PCDH15: variants seen among roughly 807,000 people sequenced by gnomAD.
PCDH15 encodes the protein protocadherin related 15.
In PCDH15, 129 loss-of-function variants were observed where a neutral mutation model predicts 178.5. The ratio of observed to expected loss-of-function variants is 0.72; its 90% CI spans 0.63 to 0.84. PCDH15 has a LOEUF of 0.84. Among genes scored for constraint, PCDH15 ranks in the 40% least tolerant of loss-of-function variants. The pLI, the probability that PCDH15 is intolerant of heterozygous loss-of-function variation, is 0.00. For synonymous variants in PCDH15, 800 were observed against 732.0 expected (o/e 1.09, Z -1.50); for missense variants, 2,230 against 2,099.9 (o/e 1.06, Z -1.21).
intron 8 of PCDH15, among the ~76,000 whole-genome samples, chr10:54,259,220 A>G (rs1259439377): frequency 2.0e-5 from 3 of 152,214 alleles, no homozygotes; most frequent in Non-Finnish European, 4.4e-5. Flanking sequence ...ACAGCCTTGA[A>G]AAGAAAATTG....
chr10:54,731,916 T>C (rs1419804984), intron 1 of PCDH15, among the ~76,000 whole-genome samples: 1 of 151,088 alleles, frequency 6.6e-6, no homozygotes, highest in Non-Finnish European at 1.5e-5. Flanking sequence ...TTTGCAATGA[T>C]TGATAGTATA....
At chr10:55,228,458 T>C (rs549863285) in intron 1 of PCDH15, among the ~76,000 whole-genome samples, 1 of 152,046 alleles carries the variant, frequency 6.6e-6, no homozygotes, top group African/African-American at 2.4e-5. Flanking sequence ...TTTAAAAAAA[T>C]GTACATGTAT....
chr10:54,299,146 A>T (rs565280151), intron 8 of PCDH15, among the ~76,000 whole-genome samples: 1 of 152,252 alleles, frequency 6.6e-6, no homozygotes, highest in East Asian at 1.9e-4. Flanking sequence ...CAGAAAGGAA[A>T]GAGAGAAAGA....
intron 8 of PCDH15, among the ~76,000 whole-genome samples, chr10:54,250,318 A>C (rs2056369885): frequency 8.0e-6 from 1 of 124,786 alleles, no homozygotes; most frequent in South Asian, 2.5e-4. Context: ...TCTGTCAACC[A>C]GTTGCCCAGG....
At chr10:54,598,267 C>T (rs957671060) in intron 2 of PCDH15, among the ~76,000 whole-genome samples, 35 of 151,792 alleles carry the variant, frequency 2.3e-4, no homozygotes, top group African/African-American at 7.2e-4. Context: ...CACTATATCA[C>T]GAATCCACCA....
chr10:54,823,539 A>G (rs1014791383), intron 3 of PCDH15, among the ~76,000 whole-genome samples: 18 of 152,266 alleles, frequency 1.2e-4, no homozygotes, highest in African/African-American at 4.3e-4. Context: ...TTTATGTTAA[A>G]TTAAATGAAG....
chr10:54,262,506 C>G (rs2057385327), intron 8 of PCDH15, among the ~76,000 whole-genome samples: 1 of 152,078 alleles, frequency 6.6e-6, no homozygotes, highest in African/African-American at 2.4e-5. Context: ...ACCCTGTCCC[C>G]AAATCATAGC....
At chr10:54,522,587 G>T (rs565470258) in intron 3 of PCDH15, among the ~76,000 whole-genome samples, 2 of 152,256 alleles carry the variant, frequency 1.3e-5, no homozygotes, top group South Asian at 2.1e-4. Flanking sequence ...TCACACCTTG[G>T]TTTCTTGCTC....
chr10:55,158,646 A>G (rs896091983), intron 2 of PCDH15, among the ~76,000 whole-genome samples: 4 of 151,744 alleles, frequency 2.6e-5, no homozygotes, highest in Non-Finnish European at 4.4e-5. Context: ...AATACATGAA[A>G]TCATTAAAGA....
intron 2 of PCDH15, among the ~76,000 whole-genome samples, chr10:55,473,937 G>A (rs1417019160): frequency 6.6e-6 from 1 of 152,058 alleles, no homozygotes; most frequent in Non-Finnish European, 1.5e-5. Context: ...ACCTATTTAA[G>A]TAATAACCAA....
intron 1 of PCDH15, among the ~76,000 whole-genome samples, chr10:55,226,364 G>A (rs1343863917): frequency 1.5e-5 from 2 of 131,314 alleles, no homozygotes. Context: ...GTTTTGTTTT[G>A]TTTTTGTTTT....
chr10:53,954,682 A>G (rs1322019357), intron 23 of PCDH15, among the ~76,000 whole-genome samples: 2 of 152,206 alleles, frequency 1.3e-5, no homozygotes, highest in Non-Finnish European at 2.9e-5. Context: ...AAGTCCAGAA[A>G]GGTTTGGCTT....
At chr10:55,565,158 T>C (rs1589142020) in intron 2 of PCDH15, among the ~76,000 whole-genome samples, 1 of 151,574 alleles carries the variant, frequency 6.6e-6, no homozygotes, top group East Asian at 1.9e-4. Context: ...CTTTGCCAAC[T>C]ACAACAAAAT....
At chr10:54,922,595 A>G (rs1837523096) in intron 2 of PCDH15, among the ~76,000 whole-genome samples, 1 of 152,098 alleles carries the variant, frequency 6.6e-6, no homozygotes, top group African/African-American at 2.4e-5. Context: ...TGAGAAGGAC[A>G]TAAGATTTGG....
At chr10:55,533,455 C>G (rs1841502181) in intron 2 of PCDH15, among the ~76,000 whole-genome samples, 1 of 151,854 alleles carries the variant, frequency 6.6e-6, no homozygotes, top group South Asian at 2.1e-4. Flanking sequence ...TGAGTCAAAT[C>G]AAGAACACAG....
At chr10:53,885,395 C>CT (rs910520575) in intron 26 of PCDH15, among the ~76,000 whole-genome samples, 2 of 146,756 alleles carry the variant, frequency 1.4e-5, no homozygotes, top group African/African-American at 5.4e-5. Flanking sequence ...TTCAATATGC[C>CT]TTTTAAAAAA....
At chr10:54,234,132 C>CTGTGTG (rs35466519) in intron 9 of PCDH15, among the ~76,000 whole-genome samples, 5,672 of 138,440 alleles carry the variant, frequency 0.041, 168 homozygotes, top group East Asian at 0.17. Flanking sequence ...ATATCCCCTT[C>CTGTGTG]TGTGTGTGTG....
intron 2 of PCDH15, among the ~76,000 whole-genome samples, chr10:55,100,904 CAAAG>C (rs1393846459): frequency 2.0e-5 from 3 of 152,062 alleles, no homozygotes; most frequent in African/African-American, 7.2e-5. Context: ...GGAAGTAGGA[CAAAG>C]AAAGAGTAAT....
intron 18 of PCDH15, among the ~76,000 whole-genome samples, chr10:54,059,322 G>T (rs2093965879): frequency 6.6e-6 from 1 of 151,972 alleles, no homozygotes; most frequent in Admixed American, 6.6e-5. Context: ...AGGCTAAATT[G>T]GGTCTACTGT....
Sources: allele counts gnomAD v4.1 joint callset (sites outside exome capture counted in the v4.1 genomes callset), GRCh38; gene constraint gnomAD v4.1.1; transcripts MANE v1.5; gene names NCBI Gene and HGNC (gene_info 2026-07-23, HGNC 2026-07-21).